The following HPS4 variants were observed in gnomAD, a reference collection of about 807,000 sequenced individuals.
HPS4 encodes the protein HPS4 biogenesis of lysosomal organelles complex 3 subunit 2.
HPS4 carries 44 observed loss-of-function variants against 70.3 expected under a neutral mutation model. That is an observed-to-expected ratio of 0.63 (90% confidence interval 0.49 to 0.80). HPS4 has a LOEUF of 0.80. Among genes scored for constraint, HPS4 ranks in the 30% least tolerant of loss-of-function variants. The pLI is 0.00. For missense variants in HPS4, 873 were observed against 884.4 expected (o/e 0.99, Z 0.16); for synonymous variants, 377 against 355.9 (o/e 1.06, Z -0.67).
chr22:26,452,279 C>T lies in HPS4; in HGVS notation c.*954G>A, dbSNP rs1191012598. The T allele has an allele frequency of 4.5e-6, 2 of 440,810 alleles. No individual in the cohort carries two copies. The highest frequency in any genetic ancestry group is 9.0e-6 in the Non-Finnish European group (2 of 222,150). 27.3% of individuals were successfully genotyped at this position (440,810 alleles called of 1,614,324 possible). On this transcript the variant is annotated 3_prime_UTR_variant, in exon 14 of 14. Transcript: ENST00000398145. ...TTAAGATTTTGACAAATATTTTCAT[C>T]CTGCAGTCTGTCTCATACTGTCAAA...
At chr22:26,454,988 T>C (rs899121427) in intron 13 of HPS4, among the ~76,000 whole-genome samples, 1 of 152,128 alleles carries the variant, frequency 6.6e-6, no homozygotes, top group Non-Finnish European at 1.5e-5. Context: ...AAAATGCTCA[T>C]CATCACTGGC....
chr22:26,444,080 G>A (rs563793228), downstream of HPS4: 3 of 152,336 alleles, frequency 2.0e-5, no homozygotes, highest in East Asian at 1.9e-4. Context: ...AGTGATGAAC[G>A]TTAAGGCCAC....
At chr22:26,449,220 G>C (rs1233193424), downstream of HPS4, among the ~76,000 whole-genome samples, 1 of 151,886 alleles carries the variant, frequency 6.6e-6, no homozygotes, top group African/African-American at 2.4e-5. Flanking sequence ...CTTCCCACCT[G>C]GACAACCATA....
intron 11 of HPS4, among the ~76,000 whole-genome samples, chr22:26,459,065 A>T (rs1164146788): frequency 6.6e-6 from 1 of 152,204 alleles, no homozygotes; most frequent in Non-Finnish European, 1.5e-5. Context: ...TGGCTTTCCT[A>T]CCCAGGCTGC....
rs1273689310 is a variant in HPS4 at position 26,477,115 on chromosome 22, A to G, written c.154T>C (p.Leu52=). 4 of 1,613,924 alleles carry G rather than the reference A, an allele frequency of 2.5e-6. No individual in the cohort carries two copies. Among genetic ancestry groups the G allele is most frequent in the Non-Finnish European group, 3.4e-6 (4 of 1,180,020 alleles). Residue 52 remains leucine, a synonymous_variant, in exon 4 of 14, where the codon TTG becomes CTG. Coordinates refer to ENST00000398145, the MANE Select transcript of HPS4 (RefSeq NM_022081.6). ...PSQTLLDQQE[L]LCGQIAGVVR... is the part of the protein sequence containing the mutation. ...ACTCCAGCAATCTGTCCACAAAGCAACTCCTGTTGGTCTAGCAGGGTCTGT... is the reference window on the plus strand; with the variant it reads ...ACTCCAGCAATCTGTCCACAAAGCAGCTCCTGTTGGTCTAGCAGGGTCTGT...
At position 26,452,987 on chromosome 22, in the gene HPS4, G is replaced by A. The variant is rs908457988; in HGVS notation, c.*246C>T. On this transcript the variant is annotated 3_prime_UTR_variant, in exon 14 of 14. Coordinates refer to ENST00000398145, the MANE Select transcript of HPS4 (RefSeq NM_022081.6). ...GCAGAGAGGGAGCCAAGCCCGTCCCGGCCCCAACACTACCGATTAAATACA... is the reference window on the plus strand; with the variant it reads ...GCAGAGAGGGAGCCAAGCCCGTCCCAGCCCCAACACTACCGATTAAATACA... 13 of 512,112 alleles carry A rather than the reference G, an allele frequency of 2.5e-5. No homozygotes were observed. Among genetic ancestry groups the A allele is most frequent in the Admixed American group, 1.3e-4 (4 of 30,832 alleles). 31.7% of individuals were successfully genotyped at this position (512,112 alleles called of 1,614,324 possible). A position where few individuals can be genotyped will look rare whatever the true frequency, so the allele number is the denominator to read the frequency against.
intron 7 of HPS4, among the ~76,000 whole-genome samples, chr22:26,469,224 A>C (rs2089314812): frequency 6.7e-6 from 1 of 149,158 alleles, no homozygotes; most frequent in Non-Finnish European, 1.5e-5. Flanking sequence ...AGGTGGGAGA[A>C]TAACTTGAGC....
At chr22:26,463,660 A>T (rs1051503608) in intron 11 of HPS4, among the ~76,000 whole-genome samples, 5 of 152,236 alleles carry the variant, frequency 3.3e-5, no homozygotes, top group Non-Finnish European at 7.3e-5. Context: ...AACTAGAAAC[A>T]GCGGAAGAAG....
chr22:26,471,373 A>C (rs1193521783), intron 6 of HPS4: 5 of 456,312 alleles, frequency 1.1e-5, no homozygotes, highest in Non-Finnish European at 2.2e-5. Context: ...GTATGGAGTC[A>C]GGGGCCTAGA....
chr22:26,453,146 AAAAT>A lies in HPS4; in HGVS notation c.*83_*86del. On this transcript the variant is annotated 3_prime_UTR_variant, in exon 14 of 14. Transcript: ENST00000398145. ...CCTAAAAAAGGGAATGTTTTCAAGA[AAAAT>A]AAAATAGAGGGGCCTTTTCAATTAT... 7.4e-7 allele frequency: 1 copy of A among 1,350,318 alleles called. No individual in the cohort carries two copies. The highest frequency in any genetic ancestry group is 2.0e-5 in the Admixed American group (1 of 50,768). The allele number at this position is 1,350,318 out of a possible 1,614,324, so 83.6% of individuals were successfully genotyped here.
intron 13 of HPS4, among the ~76,000 whole-genome samples, chr22:26,457,209 A>AC (rs201317439): frequency 0.84 from 105,194 of 125,608 alleles, 44,410 homozygotes; most frequent in South Asian, 0.91. Flanking sequence ...AGCACGTATT[A>AC]CTTTTTTTTT....
chr22:26,466,299 C>G (rs1422374891), intron 8 of HPS4, 37 bp from the exon 9 acceptor site: 2 of 1,610,496 alleles, frequency 1.2e-6, no homozygotes, highest in Admixed American at 3.3e-5. Context: ...GCGCTGGGCA[C>G]CACATTCTCC....
At chr22:26,463,738 C>A (rs1016451099) in intron 11 of HPS4, among the ~76,000 whole-genome samples, 179 bp downstream of exon 11, 2 of 152,238 alleles carry the variant, frequency 1.3e-5, no homozygotes, top group Non-Finnish European at 2.9e-5. Flanking sequence ...TTACCCCCCA[C>A]AAAAACCCAC....
intron 11 of HPS4, among the ~76,000 whole-genome samples, chr22:26,462,102 G>A (rs1430357505): frequency 6.7e-6 from 1 of 149,788 alleles, no homozygotes; most frequent in Non-Finnish European, 1.5e-5. Context: ...CTCCAGCCTG[G>A]GCAACAAGAG....
chr22:26,460,987 C>T (rs536965046), intron 11 of HPS4, among the ~76,000 whole-genome samples: 2 of 152,164 alleles, frequency 1.3e-5, no homozygotes, highest in South Asian at 2.1e-4. Context: ...AAAATATTTG[C>T]TTTCTGGTCC....
rs141101816 is a variant in HPS4 at position 26,463,655 on chromosome 22, G to T, written c.1713+262C>A. ...CCAAGGCCTGCGCTCTGCAAAACTAGAAACAGCGGAAGAAGAGAACCAACA... is the reference window on the plus strand; with the variant it reads ...CCAAGGCCTGCGCTCTGCAAAACTATAAACAGCGGAAGAAGAGAACCAACA... On this transcript the variant is annotated intron_variant, in intron 11 of 13. Coordinates refer to ENST00000398145, the MANE Select transcript of HPS4 (RefSeq NM_022081.6). Among the ~76,000 whole-genome samples the T allele has an allele frequency of 2.1e-3, 322 of 152,348 alleles. 2 individuals are homozygous for T. The highest frequency in any genetic ancestry group is 0.01 in the Middle Eastern group (3 of 294).
chr22:26,464,727 C>T lies in HPS4; in HGVS notation c.903G>A (p.Val301=), dbSNP rs749271201. 84 of 1,598,274 alleles carry T rather than the reference C, an allele frequency of 5.3e-5. No homozygotes were observed. The highest frequency in any genetic ancestry group is 6.9e-5 in the Non-Finnish European group (81 of 1,170,658). ...CTGGGGTGGTCCAGGCCATGGATTC[C>T]ACATGGCCAGTGGCGTTTTCTTTCA... ...SALKENATGH[V]ESMAWTTPDP... is the part of the protein sequence containing the mutation. Residue 301 remains valine (V), a synonymous_variant, in exon 11 of 14, where the codon GTG becomes GTA. Coordinates refer to ENST00000398145, the MANE Select transcript of HPS4 (RefSeq NM_022081.6).
chr22:26,464,126 C>G lies in HPS4; in HGVS notation c.1504G>C (p.Ala502Pro). The G allele has an allele frequency of 6.2e-7, 1 of 1,614,264 alleles. No individual in the cohort carries two copies. Among genetic ancestry groups the G allele is most frequent in the Non-Finnish European group, 8.5e-7 (1 of 1,180,046 alleles). The change falls in exon 11 of 14, where the codon GCA becomes CCA. Residue 502 changes from alanine to proline, a missense_variant. By Grantham distance (27) the Ala-to-Pro change is conservative (BLOSUM62 -1). Coordinates refer to ENST00000398145, the MANE Select transcript of HPS4 (RefSeq NM_022081.6). ...GAACTGCATTCCAGACCAGGGGCTG[C>G]GTGGCTTTCACAGACCCCATCAACA... ...EDVDGVCESH[A>P]APGLECSSGS...
Position 26,465,755 on chromosome 22 carries a change from T to C in HPS4, c.707-204A>G, listed in dbSNP as rs16982145. ...AAGGAAAGAGTCCCTGCAGGCAACATGACTCCCAGCTTTGGAGAAGGAAGA... is the reference window on the plus strand; with the variant it reads ...AAGGAAAGAGTCCCTGCAGGCAACACGACTCCCAGCTTTGGAGAAGGAAGA... On this transcript the variant is annotated intron_variant, in intron 9 of 13. Transcript: ENST00000398145. The C allele has an allele frequency of 0.062, 37,455 of 600,710 alleles. 2,655 individuals are homozygous for C. The highest frequency in any genetic ancestry group is 0.24 in the South Asian group (12,292 of 50,292). The allele number at this position is 600,710 out of a possible 1,614,324, so 37.2% of individuals were successfully genotyped here.
Sources: gnomAD v4.1 joint callset for allele counts (sites outside exome capture counted in the v4.1 genomes callset) on GRCh38, gnomAD v4.1.1 for gene constraint, MANE v1.5 for transcripts, NCBI Gene and HGNC (gene_info 2026-07-23, HGNC 2026-07-21) for gene names.